The following COX10 variants were observed in gnomAD, a reference collection of about 807,000 sequenced individuals.
COX10 encodes cytochrome c oxidase assembly factor heme A:farnesyltransferase COX10.
A neutral mutation model predicts 37.3 loss-of-function variants in COX10; 27 were observed. That is an observed-to-expected ratio of 0.72 (90% confidence interval 0.53 to 1.00). The LOEUF (loss-of-function observed/expected upper bound fraction) is 1.00, where lower values mean the gene tolerates loss of function less well. Ranked by LOEUF, COX10 falls within the 50% of genes least tolerant of loss-of-function variation. The pLI is 0.00. For missense variants in COX10, 475 were observed against 563.2 expected (o/e 0.84, Z 1.59); for synonymous variants, 222 against 229.1 (o/e 0.97, Z 0.28).
intron 4 of COX10, among the ~76,000 whole-genome samples, chr17:14,138,018 A>G (rs1291119377): frequency 6.7e-6 from 1 of 150,158 alleles, no homozygotes; most frequent in Admixed American, 6.7e-5. Context: ...AAATCAACCA[A>G]ATTTCTTACT....
intron 3 of COX10, among the ~76,000 whole-genome samples, chr17:14,090,974 G>A (rs998090760): frequency 6.6e-6 from 1 of 152,148 alleles, no homozygotes; most frequent in African/African-American, 2.4e-5. Context: ...AAGAAGTGTA[G>A]CGAACTAGCT....
chr17:14,097,107 A>G (rs938308578), intron 3 of COX10, among the ~76,000 whole-genome samples: 4 of 152,172 alleles, frequency 2.6e-5, no homozygotes, highest in Admixed American at 2.0e-4. Context: ...AATAGATTGC[A>G]TTCACTTTTA....
intron 4 of COX10, among the ~76,000 whole-genome samples, chr17:14,147,638 T>C (rs1439192782): frequency 6.6e-6 from 1 of 152,156 alleles, no homozygotes; most frequent in East Asian, 1.9e-4. Context: ...TAATAGAGTA[T>C]AACTGAATTG....
At chr17:14,111,407 A>G (rs980815085) in intron 4 of COX10, among the ~76,000 whole-genome samples, 13 of 152,154 alleles carry the variant, frequency 8.5e-5, no homozygotes, top group African/African-American at 2.7e-4. Context: ...AGATAGGATG[A>G]AACAAAAGAG....
At chr17:14,071,609 C>T (rs1915022970) in intron 1 of COX10, among the ~76,000 whole-genome samples, 1 of 151,714 alleles carries the variant, frequency 6.6e-6, no homozygotes, top group African/African-American at 2.4e-5. Flanking sequence ...ACTGGCCGGG[C>T]GCAGTAGCTT....
chr17:14,152,244 T>G (rs934531277), intron 4 of COX10, among the ~76,000 whole-genome samples: 1 of 152,146 alleles, frequency 6.6e-6, no homozygotes, highest in Non-Finnish European at 1.5e-5. Context: ...AGAGGTTTAA[T>G]TGCACCTACA....
At chr17:14,126,714 G>A (rs1244661211) in intron 4 of COX10, among the ~76,000 whole-genome samples, 1 of 152,060 alleles carries the variant, frequency 6.6e-6, no homozygotes, top group East Asian at 1.9e-4. Context: ...TGGGTGGGAG[G>A]ATGCAATGGA....
At chr17:14,136,586 C>G (rs1904376846) in intron 4 of COX10, among the ~76,000 whole-genome samples, 1 of 151,910 alleles carries the variant, frequency 6.6e-6, no homozygotes, top group East Asian at 1.9e-4. Flanking sequence ...TTATTTGTTT[C>G]TTTGGTATGT....
chr17:14,162,722 G>A (rs1905195237), intron 5 of COX10, among the ~76,000 whole-genome samples: 1 of 151,542 alleles, frequency 6.6e-6, no homozygotes, highest in Non-Finnish European at 1.5e-5. Context: ...ACTGGAAAAT[G>A]TGAAGCAGTT....
chr17:14,160,183 A>G (rs975686085), intron 5 of COX10, among the ~76,000 whole-genome samples: 1 of 152,156 alleles, frequency 6.6e-6, no homozygotes, highest in African/African-American at 2.4e-5. Context: ...TATGTGATAT[A>G]TATATATTTT....
intron 4 of COX10, among the ~76,000 whole-genome samples, chr17:14,155,346 A>C (rs1597525521): frequency 7.0e-6 from 1 of 143,278 alleles, no homozygotes. Context: ...AAAAAAAAAA[A>C]CAGCAATCAA....
intron 4 of COX10, among the ~76,000 whole-genome samples, chr17:14,130,939 A>G (rs1916450883): frequency 6.6e-6 from 1 of 152,050 alleles, no homozygotes; most frequent in South Asian, 2.1e-4. Context: ...TGTGTGAAAA[A>G]CCATCACAAA....
At chr17:14,090,120 A>T (rs930053881) in intron 3 of COX10, among the ~76,000 whole-genome samples, 2 of 151,924 alleles carry the variant, frequency 1.3e-5, no homozygotes, top group African/African-American at 4.8e-5. Context: ...TGCAAGTCCA[A>T]GCAGATCTCC....
intron 4 of COX10, among the ~76,000 whole-genome samples, chr17:14,129,461 A>G (rs369390119): frequency 6.6e-6 from 1 of 152,182 alleles, no homozygotes; most frequent in African/African-American, 2.4e-5. Flanking sequence ...AGTTAGACAC[A>G]TTCTGTCTGA....
chr17:14,083,329 A>G (rs2142187156), intron 3 of COX10, among the ~76,000 whole-genome samples: 1 of 152,354 alleles, frequency 6.6e-6, no homozygotes, highest in Non-Finnish European at 1.5e-5. Context: ...ACTTGAAGTC[A>G]CATGTGTTTT....
chr17:14,094,407 G>A (rs1915598860), intron 3 of COX10, among the ~76,000 whole-genome samples: 1 of 151,806 alleles, frequency 6.6e-6, no homozygotes, highest in Non-Finnish European at 1.5e-5. Flanking sequence ...AAAAAGAAAG[G>A]GTTAAAAAAT....
At chr17:14,142,537 T>C (rs9891372) in intron 4 of COX10, among the ~76,000 whole-genome samples, 20,624 of 152,196 alleles carry the variant, frequency 0.14, 2,559 homozygotes, top group African/African-American at 0.33. Context: ...GCAGAAGAGT[T>C]AGAAATAAAT....
intron 5 of COX10, among the ~76,000 whole-genome samples, chr17:14,189,191 C>A (rs972405586): frequency 1.3e-4 from 19 of 149,970 alleles, no homozygotes; most frequent in African/African-American, 4.2e-4. Context: ...ATGGTTTTGG[C>A]ACCCACTGAG....
intron 4 of COX10, among the ~76,000 whole-genome samples, chr17:14,135,200 G>A (rs1360957700): frequency 1.3e-5 from 2 of 151,562 alleles, no homozygotes; most frequent in African/African-American, 4.8e-5. Flanking sequence ...TAGTTTATTT[G>A]TTCTAATGAA....
Sources: allele counts gnomAD v4.1 joint callset (sites outside exome capture counted in the v4.1 genomes callset), GRCh38; gene constraint gnomAD v4.1.1; transcripts MANE v1.5; gene names NCBI Gene and HGNC (gene_info 2026-07-23, HGNC 2026-07-21).